ASIC2: variants seen among roughly 807,000 people sequenced by gnomAD.
ASIC2 encodes acid sensing ion channel subunit 2.
ASIC2 carries 25 observed loss-of-function variants against 57.3 expected under a neutral mutation model. That is an observed-to-expected ratio of 0.44 (90% confidence interval 0.32 to 0.61). The LOEUF (loss-of-function observed/expected upper bound fraction) is 0.61. ASIC2 is among the 20% of genes least tolerant of loss of function. The pLI is 0.06. For missense variants in ASIC2, 641 were observed against 738.1 expected, an observed-to-expected ratio of 0.87 and a Z score of 1.52; for synonymous variants, 319 against 307.5, an observed-to-expected ratio of 1.04 and a Z score of -0.39.
At chr17:33,667,733 C>T (rs147647365) in intron 1 of ASIC2, among the ~76,000 whole-genome samples, 13 of 152,304 alleles carry the variant, frequency 8.5e-5, no homozygotes, top group Middle Eastern at 3.4e-3. Flanking sequence ...GAAGAACTAA[C>T]CTTCTTCTTA....
At chr17:33,414,338 T>C (rs559729906) in intron 1 of ASIC2, among the ~76,000 whole-genome samples, 1 of 152,058 alleles carries the variant, frequency 6.6e-6, no homozygotes, top group South Asian at 2.1e-4. Context: ...GATGCAGCGA[T>C]GGTCTGGGTG....
chr17:33,048,360 C>T (rs1003274252), intron 3 of ASIC2, among the ~76,000 whole-genome samples: 5 of 152,174 alleles, frequency 3.3e-5, no homozygotes, highest in African/African-American at 1.2e-4. Context: ...CCAGTAAAGC[C>T]CCATAGCTTC....
intron 1 of ASIC2, among the ~76,000 whole-genome samples, chr17:33,598,222 G>C (rs1326167295): frequency 6.6e-6 from 1 of 152,142 alleles, no homozygotes; most frequent in African/African-American, 2.4e-5. Context: ...TGATTAGGGG[G>C]TTCATCTCGC....
At chr17:33,360,515 C>T (rs906497236) in intron 1 of ASIC2, among the ~76,000 whole-genome samples, 1 of 152,216 alleles carries the variant, frequency 6.6e-6, no homozygotes, top group Non-Finnish European at 1.5e-5. Context: ...CCCACCTCCT[C>T]CCTGCCTCTG....
chr17:33,746,376 G>GTA (rs1910265199), intron 1 of ASIC2, among the ~76,000 whole-genome samples: 1 of 139,464 alleles, frequency 7.2e-6, no homozygotes, highest in Non-Finnish European at 1.5e-5. Flanking sequence ...AGATATACAT[G>GTA]TATATCTACA....
intron 2 of ASIC2, among the ~76,000 whole-genome samples, chr17:33,111,486 C>T (rs2092257912): frequency 6.6e-6 from 1 of 152,168 alleles, no homozygotes; most frequent in South Asian, 2.1e-4. Context: ...CCAACACTTC[C>T]CAGCCCCTCC....
At chr17:34,007,284 G>T (rs1906559178) in intron 1 of ASIC2, among the ~76,000 whole-genome samples, 1 of 152,114 alleles carries the variant, frequency 6.6e-6, no homozygotes, top group South Asian at 2.1e-4. Context: ...GCCCCGTCAG[G>T]GAGCCTTTGA....
chr17:33,040,164 T>A (rs2091924245), intron 3 of ASIC2, among the ~76,000 whole-genome samples: 1 of 152,188 alleles, frequency 6.6e-6, no homozygotes, highest in African/African-American at 2.4e-5. Flanking sequence ...TGCCCTTCTA[T>A]CTCCCTAGTT....
intron 1 of ASIC2, among the ~76,000 whole-genome samples, chr17:33,176,550 C>T (rs1173661508): frequency 1.3e-5 from 2 of 152,150 alleles, no homozygotes; most frequent in Non-Finnish European, 2.9e-5. Flanking sequence ...CCACGTTGCC[C>T]AGGCTGGGGT....
chr17:33,330,296 A>T (rs745501311), intron 1 of ASIC2, among the ~76,000 whole-genome samples: 1 of 152,138 alleles, frequency 6.6e-6, no homozygotes, highest in Non-Finnish European at 1.5e-5. Context: ...CTAGACACCT[A>T]CAGTCTCCCA....
chr17:33,016,132 C>T (rs2091804566), intron 8 of ASIC2, 93 bp from the exon 9 acceptor site: 5 of 1,221,902 alleles, frequency 4.1e-6, no homozygotes, highest in Non-Finnish European at 4.8e-6. Context: ...GGGGTGGCAG[C>T]TGCTTGGGCT....
chr17:33,900,732 T>C (rs377536836), intron 1 of ASIC2, among the ~76,000 whole-genome samples: 1 of 152,236 alleles, frequency 6.6e-6, no homozygotes, highest in East Asian at 1.9e-4. Context: ...CATAAGATGT[T>C]GAAGAAGTTG....
intron 1 of ASIC2, among the ~76,000 whole-genome samples, chr17:33,414,216 C>G (rs1910759244): frequency 6.6e-6 from 1 of 152,108 alleles, no homozygotes; most frequent in African/African-American, 2.4e-5. Context: ...AGGAGCTAGT[C>G]AGGAGGCTGC....
At chr17:33,294,117 G>T (rs998748398), upstream of ASIC2, among the ~76,000 whole-genome samples, 8 of 152,234 alleles carry the variant, frequency 5.3e-5, no homozygotes, top group East Asian at 1.4e-3. Context: ...GGTGGGAAGG[G>T]GGAGTAGGAC....
chr17:33,142,098 G>A (rs4371203), intron 1 of ASIC2, among the ~76,000 whole-genome samples: 44,980 of 152,090 alleles, frequency 0.3, 6,879 homozygotes, highest in East Asian at 0.4. Context: ...TTTGTTCTCT[G>A]TTGCTTTTTC....
chr17:34,109,852 G>T (rs1372527701), intron 1 of ASIC2, among the ~76,000 whole-genome samples: 5 of 152,062 alleles, frequency 3.3e-5, no homozygotes, highest in Non-Finnish European at 7.4e-5. Flanking sequence ...TCCAGGTATT[G>T]TAACACTGAA....
intron 1 of ASIC2, among the ~76,000 whole-genome samples, chr17:33,841,956 C>T (rs1244654890): frequency 6.6e-6 from 1 of 151,936 alleles, no homozygotes; most frequent in African/African-American, 2.4e-5. Context: ...CCAGTGGTGG[C>T]AGGCTGTACA....
intron 1 of ASIC2, among the ~76,000 whole-genome samples, chr17:33,369,725 G>T (rs1054864257): frequency 2.0e-5 from 3 of 152,226 alleles, no homozygotes; most frequent in Non-Finnish European, 4.4e-5. Context: ...AAGAGGCAGA[G>T]CTGGCATTCC....
At chr17:33,875,286 A>G (rs1914519980) in intron 1 of ASIC2, among the ~76,000 whole-genome samples, 1 of 152,234 alleles carries the variant, frequency 6.6e-6, no homozygotes, top group African/African-American at 2.4e-5. Flanking sequence ...TGTTAAAAAT[A>G]GAAGTCCCCC....
Sources: allele counts gnomAD v4.1 joint callset (sites outside exome capture counted in the v4.1 genomes callset), GRCh38; gene constraint gnomAD v4.1.1; transcripts MANE v1.5; gene names NCBI Gene and HGNC (gene_info 2026-07-23, HGNC 2026-07-21).